The following ASH1L variants were observed in gnomAD, a reference collection of about 807,000 sequenced individuals.
ASH1L encodes histone-lysine N-methyltransferase ASH1L.
ASH1L carries 23 observed loss-of-function variants against 269.0 expected under a neutral mutation model. The ratio of observed to expected loss-of-function variants is 0.09; its 90% CI spans 0.06 to 0.12. The LOEUF (loss-of-function observed/expected upper bound fraction) is 0.12, where lower values mean the gene tolerates loss of function less well. ASH1L is among the 10% of genes least tolerant of loss of function. The pLI, the probability that ASH1L is intolerant of heterozygous loss-of-function variation, is 1.00. For synonymous variants in ASH1L, 1,187 were observed against 1,253.5 expected, an observed-to-expected ratio of 0.95 and a Z score of 1.12; for missense variants, 2,912 against 3,567.8, an observed-to-expected ratio of 0.82 and a Z score of 4.68.
chr1:155,414,006 A>C (rs144501405), intron 6 of ASH1L, among the ~76,000 whole-genome samples: 1 of 152,174 alleles, frequency 6.6e-6, no homozygotes, highest in Admixed American at 6.6e-5. Context: ...CTCAGTGACA[A>C]ATCAATAAAA....
chr1:155,478,359 G>T lies in ASH1L; in HGVS notation c.4511C>A (p.Thr1504Asn), dbSNP rs1558146388. 1.2e-6 allele frequency: 2 copies of T among 1,614,024 alleles called. No individual in the cohort carries two copies. The highest frequency in any genetic ancestry group is 1.7e-6 in the Non-Finnish European group (2 of 1,180,040). The part of the protein sequence containing the change: ...SSEQPQVSMD[T>N]GSSRSVLESL... ...TTCCAGGACAGATCGGGAAGAGCCA[G>T]TGTCCATAGAAACCTGGGGTTGTTC... The change falls in exon 3 of 28, where the codon ACT (threonine) becomes AAT (asparagine). Residue 1504 changes from threonine (T) to asparagine (N), a missense_variant. Thr to Asn is a moderately conservative substitution (Grantham distance 65). Transcript: ENST00000392403. This position sits in a 1 kb window ranked among gnomAD's most constrained non-coding sequence, Gnocchi z 4.6.
At chr1:155,456,812 T>A (rs756837237) in intron 4 of ASH1L, among the ~76,000 whole-genome samples, 4 of 150,872 alleles carry the variant, frequency 2.7e-5, no homozygotes, top group Non-Finnish European at 5.9e-5. Context: ...CATATTGTAA[T>A]GTTATAGCAT....
At chr1:155,398,685 C>T (rs1283967320) in intron 6 of ASH1L, among the ~76,000 whole-genome samples, 1 of 152,116 alleles carries the variant, frequency 6.6e-6, no homozygotes. Flanking sequence ...AAAGCTATGA[C>T]ATCACTAGGT....
chr1:155,372,852 C>T (rs553582617), intron 10 of ASH1L, among the ~76,000 whole-genome samples: 4 of 152,222 alleles, frequency 2.6e-5, no homozygotes, highest in African/African-American at 9.6e-5. Context: ...TTTTATATTA[C>T]ATTAATTGAA....
Position 155,562,636 on chromosome 1 carries a change from G to A in ASH1L, c.-583C>T. 2.0e-6 allele frequency: 3 copies of A among 1,526,172 alleles called. No individual in the cohort carries two copies. Among genetic ancestry groups the A allele is most frequent in the Non-Finnish European group, 2.6e-6 (3 of 1,140,620 alleles). The allele number at this position is 1,526,172 out of a possible 1,614,324, so 94.5% of individuals were successfully genotyped here. On this transcript the variant is annotated 5_prime_UTR_variant, in exon 1 of 28. Transcript: ENST00000392403. Reference sequence around the variant, plus strand: ...TACGAGTGTCTACGGGCTCGTCGCTGGCTGCTCCCACCAACCACCACCTTC... The same window carrying A: ...TACGAGTGTCTACGGGCTCGTCGCTAGCTGCTCCCACCAACCACCACCTTC...
intron 3 of ASH1L, among the ~76,000 whole-genome samples, chr1:155,464,146 A>T (rs1391993647): frequency 1.3e-5 from 2 of 152,160 alleles, no homozygotes; most frequent in Non-Finnish European, 2.9e-5. Context: ...TCATGTGACA[A>T]ATGTTTGCTC....
chr1:155,352,934 T>G, intron 16 of ASH1L, 76 bp from the exon 17 acceptor site: 1 of 1,381,970 alleles, frequency 7.2e-7, no homozygotes, highest in Non-Finnish European at 9.8e-7. Flanking sequence ...AATGGATTCC[T>G]GCCATTTGCT....
Position 155,338,323 on chromosome 1 carries a change from G to T in ASH1L, c.8569C>A (p.Pro2857Thr). Residue 2857 changes from proline (P) to threonine (T), a missense_variant, in exon 27 of 28, where the codon CCC becomes ACC. Pro to Thr is a conservative substitution (Grantham distance 38). Around this residue, in one of 13 missense-constraint regions of ASH1L, gnomAD observed 154 missense variants for 165.0 expected, o/e 0.93. Coordinates refer to ENST00000392403, the MANE Select transcript of ASH1L (RefSeq NM_018489.3). ...CTGGCTAGAACCTCTTCAATCAAGG[G>T]TAGAGCATCATCCTCCTGGCCCAAG... The part of the protein sequence containing the change: ...KDLGQEDDAL[P>T]LIEEVLASQE... 6.2e-7 allele frequency: 1 copy of T among 1,614,070 alleles called. No homozygotes were observed. Among genetic ancestry groups the T allele is most frequent in the Non-Finnish European group, 8.5e-7 (1 of 1,180,020 alleles).
At chr1:155,444,587 T>A (rs546105015) in intron 4 of ASH1L, among the ~76,000 whole-genome samples, 1 of 152,274 alleles carries the variant, frequency 6.6e-6, no homozygotes, top group East Asian at 1.9e-4. Context: ...ATTTTTTGGC[T>A]TACATTTTCA....
At chr1:155,359,379 C>T (rs749532290) in intron 13 of ASH1L, among the ~76,000 whole-genome samples, 4 of 152,032 alleles carry the variant, frequency 2.6e-5, no homozygotes, top group Non-Finnish European at 4.4e-5. Context: ...TGGGTTCAAG[C>T]GATTCTCCTG....
At chr1:155,457,042 A>T (rs75552093) in intron 4 of ASH1L, among the ~76,000 whole-genome samples, 1 of 152,298 alleles carries the variant, frequency 6.6e-6, no homozygotes, top group East Asian at 1.9e-4. Context: ...AAGACAAGCA[A>T]CATTCAAGGT....
intron 7 of ASH1L, among the ~76,000 whole-genome samples, chr1:155,388,948 A>G (rs1339861047): frequency 1.3e-5 from 2 of 148,838 alleles, no homozygotes; most frequent in Non-Finnish European, 3.0e-5. Context: ...GCCTCAAGCG[A>G]TCTTCTCTCC....
chr1:155,507,223 T>C (rs1485818797), intron 2 of ASH1L, among the ~76,000 whole-genome samples: 1 of 149,678 alleles, frequency 6.7e-6, no homozygotes, highest in Non-Finnish European at 1.5e-5. Context: ...GAGGTTGCGG[T>C]GTGCCGAGAT....
intron 2 of ASH1L, among the ~76,000 whole-genome samples, chr1:155,507,280 C>CAAA (rs796998119): frequency 2.2e-5 from 2 of 90,882 alleles, no homozygotes; most frequent in African/African-American, 8.5e-5. Context: ...AACTCCGTCT[C>CAAA]AAAAAAAAAA....
In ASH1L at chr1:155,378,313, G is replaced by C; in HGVS notation, c.6300C>G (p.Thr2100=). Residue 2100 remains threonine (T), a synonymous_variant, in exon 10 of 28, where the codon ACC becomes ACG. Coordinates refer to ENST00000392403, the MANE Select transcript of ASH1L (RefSeq NM_018489.3). ...TCNCKKPDDD[T]RKGCVDDCLN... ...GGCAGTCATCAACACAGCCCTTCCTGGTGTCATCATCTGGCTTCTTACAGT... is the reference window on the plus strand; with the variant it reads ...GGCAGTCATCAACACAGCCCTTCCTCGTGTCATCATCTGGCTTCTTACAGT... 1 of 1,614,088 alleles carries C rather than the reference G, an allele frequency of 6.2e-7. No homozygotes were observed.
intron 8 of ASH1L, among the ~76,000 whole-genome samples, 173 bp from the exon 9 acceptor site, chr1:155,378,721 A>G (rs1656678954): frequency 6.6e-6 from 1 of 152,156 alleles, no homozygotes; most frequent in Non-Finnish European, 1.5e-5. Context: ...ATCTCTTTTT[A>G]CTCTGAAATA....
intron 2 of ASH1L, among the ~76,000 whole-genome samples, chr1:155,491,524 G>A (rs1232007346): frequency 6.6e-6 from 1 of 152,168 alleles, no homozygotes; most frequent in Admixed American, 6.5e-5. Context: ...GAGTGGTTTA[G>A]ACATTGGCTA....
chr1:155,497,134 G>C (rs1667205076), intron 2 of ASH1L, among the ~76,000 whole-genome samples: 2 of 152,004 alleles, frequency 1.3e-5, no homozygotes, highest in Non-Finnish European at 2.9e-5. Flanking sequence ...AACTTATCTA[G>C]TGCCAATTTG....
intron 1 of ASH1L, among the ~76,000 whole-genome samples, chr1:155,540,595 C>G (rs867656212): frequency 6.6e-6 from 1 of 152,080 alleles, no homozygotes; most frequent in Non-Finnish European, 1.5e-5. Flanking sequence ...ACAGCAAAAC[C>G]CCATCTCTAC....
Sources: allele counts gnomAD v4.1 joint callset (sites outside exome capture counted in the v4.1 genomes callset), GRCh38; gene constraint gnomAD v4.1.1; regional missense constraint gnomAD v4.1.1; non-coding constraint Gnocchi (gnomAD v3.1); transcripts MANE v1.5; gene names NCBI Gene and HGNC (gene_info 2026-07-23, HGNC 2026-07-21).